Variants in TMTC2 observed in about 807,000 individuals in gnomAD.
TMTC2 encodes protein O-mannosyl-transferase TMTC2.
TMTC2 carries 43 observed loss-of-function variants against 82.4 expected under a neutral mutation model. The ratio of observed to expected loss-of-function variants is 0.52; its 90% CI spans 0.41 to 0.67. The LOEUF is 0.67. Ranked by LOEUF, TMTC2 falls within the 30% of genes least tolerant of loss-of-function variation. The pLI is 0.00. For synonymous variants in TMTC2, 408 were observed against 381.9 expected, an observed-to-expected ratio of 1.07 and a Z score of -0.80; for missense variants, 919 against 1,012.4, an observed-to-expected ratio of 0.91 and a Z score of 1.25.
chr12:82,963,237 A>G (rs891284409), intron 4 of TMTC2, among the ~76,000 whole-genome samples: 2 of 151,978 alleles, frequency 1.3e-5, no homozygotes, highest in Non-Finnish European at 2.9e-5. Context: ...TACAGGTTAT[A>G]CGGGTGTTTT....
chr12:83,092,440 T>C (rs1406229315), intron 11 of TMTC2, among the ~76,000 whole-genome samples: 2 of 152,158 alleles, frequency 1.3e-5, no homozygotes, highest in Non-Finnish European at 2.9e-5. Context: ...GGTACACATA[T>C]CCATTCAGGT....
chr12:82,744,509 C>A lies in TMTC2; in HGVS notation c.83+56840C>A, dbSNP rs1300362032. 5.4e-5 allele frequency among the ~76,000 whole-genome samples: 8 copies of A among 147,832 alleles called. 1 individual carries two copies. Among genetic ancestry groups the A allele is most frequent in the African/African-American group, 2.0e-4 (8 of 39,970 alleles). ...TAACTGAGGGGCTGAAGCAGAGGAT[C>A]ACAAGTTCAGGGCTGCAGTGGGCTG... On this transcript the variant is annotated intron_variant, in intron 1 of 11. Transcript: ENST00000321196.
chr12:82,728,627 G>T (rs774336935), intron 1 of TMTC2, among the ~76,000 whole-genome samples: 1 of 152,202 alleles, frequency 6.6e-6, no homozygotes, highest in Non-Finnish European at 1.5e-5. Context: ...CACAGCCCTC[G>T]CTTGCTCTGG....
At chr12:82,736,330 T>C (rs1035259426) in intron 1 of TMTC2, among the ~76,000 whole-genome samples, 2 of 152,154 alleles carry the variant, frequency 1.3e-5, no homozygotes, top group African/African-American at 4.8e-5. Flanking sequence ...AAAAACAACA[T>C]GTCCTATATT....
chr12:82,823,907 T>A (rs1045209942), intron 1 of TMTC2, among the ~76,000 whole-genome samples: 46 of 151,664 alleles, frequency 3.0e-4, no homozygotes, highest in Non-Finnish European at 6.0e-4. Context: ...TTTTTTTTTT[T>A]TTTTGAGACG....
intron 1 of TMTC2, chr12:82,758,663 T>C (rs1441882855): frequency 6.6e-6 from 1 of 152,200 alleles, no homozygotes; most frequent in African/African-American, 2.4e-5. Context: ...TTAATTCCAT[T>C]AATCCTCAAA....
chr12:83,074,544 C>T (rs371139508), intron 11 of TMTC2, among the ~76,000 whole-genome samples: 142 of 152,128 alleles, frequency 9.3e-4, no homozygotes, highest in African/African-American at 3.2e-3. Flanking sequence ...GGGTTAGAGT[C>T]CCAGGTCCCT....
intron 3 of TMTC2, among the ~76,000 whole-genome samples, chr12:82,905,544 G>T (rs1874246949): frequency 1.3e-5 from 2 of 152,144 alleles, no homozygotes; most frequent in Non-Finnish European, 2.9e-5. Context: ...AAATACAAAA[G>T]ATATATGTAA....
chr12:82,997,221 C>CTCTCTCTCTCTCTATA (rs1451262969), intron 8 of TMTC2, among the ~76,000 whole-genome samples: 1 of 118,512 alleles, frequency 8.4e-6, no homozygotes, highest in African/African-American at 3.7e-5. Context: ...CTCTCTCTCT[C>CTCTCTCTCTCTCTATA]TATATATATA....
intron 1 of TMTC2, among the ~76,000 whole-genome samples, chr12:82,810,549 G>T (rs114290442): frequency 1.3e-5 from 2 of 151,890 alleles, no homozygotes; most frequent in Admixed American, 6.6e-5. Context: ...TTCAAGTATG[G>T]GAAGTTTTGT....
intron 1 of TMTC2, among the ~76,000 whole-genome samples, chr12:82,737,446 C>T (rs1218495981): frequency 1.3e-5 from 2 of 152,104 alleles, no homozygotes; most frequent in East Asian, 3.9e-4. Flanking sequence ...TTGTGAGACT[C>T]GACAGTTCTG....
chr12:82,711,785 G>C (rs1362197261), intron 1 of TMTC2, among the ~76,000 whole-genome samples: 2 of 152,178 alleles, frequency 1.3e-5, no homozygotes, highest in African/African-American at 2.4e-5. Context: ...CTTCACTTTA[G>C]AGCTAGAATC....
chr12:83,085,911 A>T (rs1883638572), intron 11 of TMTC2, among the ~76,000 whole-genome samples: 1 of 152,156 alleles, frequency 6.6e-6, no homozygotes, highest in African/African-American at 2.4e-5. Context: ...CCTGTCATGG[A>T]CCTTGATCAC....
At chr12:83,051,478 T>C (rs1054890912) in intron 10 of TMTC2, among the ~76,000 whole-genome samples, 2 of 152,258 alleles carry the variant, frequency 1.3e-5, no homozygotes, top group African/African-American at 2.4e-5. Context: ...TGCGACCTCC[T>C]TTCCCTTCCC....
intron 11 of TMTC2, among the ~76,000 whole-genome samples, chr12:83,087,755 G>T (rs1883710110): frequency 6.6e-6 from 1 of 152,292 alleles, no homozygotes; most frequent in South Asian, 2.1e-4. Flanking sequence ...AGGCCATAGT[G>T]TAAACAGATG....
chr12:82,721,168 C>T (rs1236716878), intron 1 of TMTC2, among the ~76,000 whole-genome samples: 1 of 152,182 alleles, frequency 6.6e-6, no homozygotes, highest in Admixed American at 6.5e-5. Flanking sequence ...CAGCTATCAT[C>T]CTTCCTCCTC....
intron 4 of TMTC2, among the ~76,000 whole-genome samples, chr12:82,964,381 G>A (rs1878092694): frequency 6.6e-6 from 1 of 152,074 alleles, no homozygotes; most frequent in African/African-American, 2.4e-5. Context: ...GGGGTCTGCA[G>A]AGAAAGATGT....
At chr12:82,873,261 G>C (rs1366558900) in intron 2 of TMTC2, among the ~76,000 whole-genome samples, 1 of 142,574 alleles carries the variant, frequency 7.0e-6, no homozygotes, top group Non-Finnish European at 1.5e-5. Flanking sequence ...AATTTTCCAA[G>C]TTTAACAGGA....
At chr12:82,919,830 A>G (rs138112944) in intron 3 of TMTC2, among the ~76,000 whole-genome samples, 3 of 152,238 alleles carry the variant, frequency 2.0e-5, no homozygotes, top group Non-Finnish European at 4.4e-5. Context: ...CTCTCAAGAC[A>G]CTGAGAACTG....
Sources: allele counts gnomAD v4.1 joint callset (sites outside exome capture counted in the v4.1 genomes callset), GRCh38; gene constraint gnomAD v4.1.1; transcripts MANE v1.5; gene names NCBI Gene and HGNC (gene_info 2026-07-23, HGNC 2026-07-21).